GPC6: variants seen among roughly 807,000 people sequenced by gnomAD.
GPC6 encodes glypican 6, also known as glypican-6.
GPC6 carries 14 observed loss-of-function variants against 55.2 expected under a neutral mutation model. The observed-to-expected ratio is 0.25, with a 90% CI of 0.17 to 0.40. GPC6 has a LOEUF of 0.40. Among genes scored for constraint, GPC6 ranks in the 10% least tolerant of loss-of-function variants. The pLI is 1.00. For synonymous variants in GPC6, 278 were observed against 259.6 expected (o/e 1.07, Z -0.68); for missense variants, 641 against 708.5 (o/e 0.90, Z 1.08).
chr13:93,617,310 T>C (rs886918645), intron 2 of GPC6, among the ~76,000 whole-genome samples: 1 of 152,116 alleles, frequency 6.6e-6, no homozygotes, highest in Non-Finnish European at 1.5e-5. Flanking sequence ...GTTGTGTAAA[T>C]CTAGAATTAA....
At chr13:93,685,240 G>A (rs1010970767) in intron 2 of GPC6, among the ~76,000 whole-genome samples, 3 of 152,174 alleles carry the variant, frequency 2.0e-5, no homozygotes, top group African/African-American at 7.2e-5. Context: ...AGGACTGAGA[G>A]CCAGGAAGCT....
Position 94,329,571 on chromosome 13 carries a change from CA to C in GPC6, c.1152+23449del, listed in dbSNP as rs1022704545. ...GTTTATTCTCCACAGGATCTGCAGA[CA>C]GTGAGAAAATGCATCTGATCTTGAA... On this transcript the variant is annotated intron_variant, in intron 6 of 8. Transcript: ENST00000377047. Among the ~76,000 whole-genome samples the C allele has an allele frequency of 4.0e-4, 61 of 152,286 alleles. 1 individual carries two copies. Among genetic ancestry groups the C allele is most frequent in the African/African-American group, 1.3e-3 (55 of 41,528 alleles).
chr13:93,977,536 G>C (rs961676863), intron 3 of GPC6, among the ~76,000 whole-genome samples: 14 of 138,760 alleles, frequency 1.0e-4, no homozygotes, highest in African/African-American at 3.5e-4. Flanking sequence ...TTTATTTGTG[G>C]TTATTTCATT....
At chr13:93,913,940 C>A (rs371887152) in intron 3 of GPC6, among the ~76,000 whole-genome samples, 29 of 142,612 alleles carry the variant, frequency 2.0e-4, no homozygotes, top group Admixed American at 1.3e-3. Context: ...CTCCCCACAC[C>A]TTCCATTTCT....
At chr13:94,177,221 G>A (rs1888807048) in intron 4 of GPC6, among the ~76,000 whole-genome samples, 1 of 152,122 alleles carries the variant, frequency 6.6e-6, no homozygotes, top group Non-Finnish European at 1.5e-5. Flanking sequence ...AGAACACGAT[G>A]TAAATTTTTT....
chr13:94,398,042 C>G (rs929496127), intron 7 of GPC6, among the ~76,000 whole-genome samples: 2 of 152,136 alleles, frequency 1.3e-5, no homozygotes, highest in Non-Finnish European at 2.9e-5. Context: ...TGCCTTTGCT[C>G]CTCTTCCACC....
chr13:94,234,892 T>C (rs945438977), intron 4 of GPC6, among the ~76,000 whole-genome samples: 6 of 152,286 alleles, frequency 3.9e-5, no homozygotes, highest in East Asian at 1.9e-4. Context: ...ATTCCACTTA[T>C]ATGAGTTATG....
At chr13:93,439,794 T>C (rs926904382) in intron 1 of GPC6, among the ~76,000 whole-genome samples, 17 of 152,200 alleles carry the variant, frequency 1.1e-4, no homozygotes, top group African/African-American at 4.1e-4. Flanking sequence ...AAGGCTTTTC[T>C]ACAGACTTCA....
chr13:94,109,943 T>C (rs2138838233), intron 4 of GPC6, among the ~76,000 whole-genome samples: 1 of 152,010 alleles, frequency 6.6e-6, no homozygotes, highest in East Asian at 1.9e-4. Flanking sequence ...AATCATGTGC[T>C]TGATGGATAT....
rs550928577 is a variant in GPC6, at chr13:93,648,678, T to G, written c.319+103257T>G. On this transcript the variant is annotated intron_variant, in intron 2 of 8. Coordinates refer to ENST00000377047, the MANE Select transcript of GPC6 (RefSeq NM_005708.5). ...TAACTTCTGAACATGGAATTTTATA[T>G]CCAGTCAGAATCCCACGTATTTCAG... Among the ~76,000 whole-genome samples, 120 of 152,304 alleles carry G rather than the reference T, an allele frequency of 7.9e-4. 1 individual carries two copies. Among genetic ancestry groups the G allele is most frequent in the African/African-American group, 2.7e-3 (113 of 41,564 alleles).
At chr13:93,692,529 T>G (rs1882294933) in intron 2 of GPC6, among the ~76,000 whole-genome samples, 1 of 152,078 alleles carries the variant, frequency 6.6e-6, no homozygotes, top group Non-Finnish European at 1.5e-5. Context: ...TGTAAGATAG[T>G]TCTAGGAACT....
chr13:93,474,599 C>T (rs1879238610), intron 1 of GPC6, among the ~76,000 whole-genome samples: 1 of 152,130 alleles, frequency 6.6e-6, no homozygotes, highest in East Asian at 1.9e-4. Context: ...GTGTTGAGTT[C>T]AGCCCAGGAT....
intron 6 of GPC6, among the ~76,000 whole-genome samples, chr13:94,341,585 CAAAA>C (rs34492618): frequency 6.3e-5 from 5 of 79,562 alleles, no homozygotes; most frequent in Non-Finnish European, 5.7e-5. Flanking sequence ...AACTCCGTCT[CAAAA>C]AAAAAAAAAA....
chr13:94,201,499 G>A (rs185439248), intron 4 of GPC6, among the ~76,000 whole-genome samples: 1 of 152,032 alleles, frequency 6.6e-6, no homozygotes, highest in African/African-American at 2.4e-5. Flanking sequence ...AACACCTTTG[G>A]GGAATACTAT....
chr13:93,357,084 C>G (rs763695077), intron 1 of GPC6, among the ~76,000 whole-genome samples: 1 of 152,186 alleles, frequency 6.6e-6, no homozygotes, highest in African/African-American at 2.4e-5. Flanking sequence ...AACCCAGTTT[C>G]CTCCATTTGG....
At chr13:93,653,162 C>G (rs182815084) in intron 2 of GPC6, among the ~76,000 whole-genome samples, 1 of 152,114 alleles carries the variant, frequency 6.6e-6, no homozygotes, top group African/African-American at 2.4e-5. Context: ...CAGTGGTTTG[C>G]GCACCTCAGT....
chr13:93,833,490 A>G (rs900344201), intron 3 of GPC6, among the ~76,000 whole-genome samples: 1 of 152,218 alleles, frequency 6.6e-6, no homozygotes, highest in Non-Finnish European at 1.5e-5. Context: ...AAATGATGAC[A>G]GAAGAGTTAG....
chr13:93,670,543 G>A (rs1228908629), intron 2 of GPC6, among the ~76,000 whole-genome samples: 2 of 152,096 alleles, frequency 1.3e-5, no homozygotes, highest in Non-Finnish European at 2.9e-5. Flanking sequence ...TATAATGTGT[G>A]GGAATGAGAA....
At chr13:93,875,037 G>A (rs1462088140) in intron 3 of GPC6, among the ~76,000 whole-genome samples, 1 of 151,996 alleles carries the variant, frequency 6.6e-6, no homozygotes, top group Non-Finnish European at 1.5e-5. Flanking sequence ...TCAAAAGAGA[G>A]AGAGAGAATA....
Sources: allele counts gnomAD v4.1 joint callset (sites outside exome capture counted in the v4.1 genomes callset), GRCh38; gene constraint gnomAD v4.1.1; transcripts MANE v1.5; gene names NCBI Gene and HGNC (gene_info 2026-07-23, HGNC 2026-07-21).